FLNB: variants seen among roughly 807,000 people sequenced by gnomAD.
FLNB encodes the protein filamin-B.
In FLNB, 111 loss-of-function variants were observed where a neutral mutation model predicts 250.6. That is an observed-to-expected ratio of 0.44 (90% CI 0.38 to 0.52). The LOEUF is 0.52. FLNB is among the 20% of genes least tolerant of loss of function. FLNB has a pLI of 0.00. For synonymous variants in FLNB, 1,302 were observed against 1,372.1 expected (o/e 0.95, Z 1.13); for missense variants, 2,869 against 3,447.8 (o/e 0.83, Z 4.20).
intron 1 of FLNB, among the ~76,000 whole-genome samples, chr3:58,076,596 A>C (rs376871252): frequency 1.5e-4 from 22 of 151,180 alleles, no homozygotes; most frequent in African/African-American, 5.1e-4. Flanking sequence ...CTGGGACTAC[A>C]GGAGTGAGCC....
chr3:58,137,466 C>T (rs2097318287), intron 28 of FLNB, among the ~76,000 whole-genome samples: 1 of 152,266 alleles, frequency 6.6e-6, no homozygotes. Context: ...TTGGCCACAC[C>T]TCTGGGTCTG....
At position 58,094,817 on chromosome 3, in the gene FLNB, CTG is replaced by C. The variant is rs2097235286; in HGVS notation, c.788-15_788-14del. 1 of 1,602,784 alleles carries C rather than the reference CTG, an allele frequency of 6.2e-7. No homozygotes were observed. Among genetic ancestry groups the C allele is most frequent in the Non-Finnish European group, 8.5e-7 (1 of 1,169,818 alleles). On this transcript the variant is annotated splice_polypyrimidine_tract_variant and intron_variant, in intron 4 of 45. Coordinates refer to ENST00000295956, the MANE Select transcript of FLNB (RefSeq NM_001457.4). ...CACCCTCGCCTGGCTTCTAACATGT[CTG>C]TGTAAACCTGTGGCAGGAATCGAGC...
chr3:58,138,976 C>T (rs2097321607), intron 29 of FLNB, among the ~76,000 whole-genome samples: 1 of 152,182 alleles, frequency 6.6e-6, no homozygotes, highest in African/African-American at 2.4e-5. Flanking sequence ...AATCCCAGGA[C>T]TCAAAGTACC....
At chr3:58,080,784 G>C (rs534206723) in intron 3 of FLNB, among the ~76,000 whole-genome samples, 2 of 141,086 alleles carry the variant, frequency 1.4e-5, no homozygotes, top group African/African-American at 5.6e-5. Context: ...GAGCTACTGC[G>C]TCTGGCCTTT....
chr3:58,085,915 T>A (rs2097216605), intron 4 of FLNB, among the ~76,000 whole-genome samples: 1 of 152,112 alleles, frequency 6.6e-6, no homozygotes, highest in Non-Finnish European at 1.5e-5. Flanking sequence ...AGCTGCAGAG[T>A]ACGTTGTTTC....
chr3:58,092,803 A>G (rs551453232), intron 4 of FLNB, among the ~76,000 whole-genome samples: 1 of 152,294 alleles, frequency 6.6e-6, no homozygotes, highest in African/African-American at 2.4e-5. Flanking sequence ...AAGAAAAAAA[A>G]CTTTTCTCAT....
Position 58,163,225 on chromosome 3 carries a change from C to T in FLNB, c.7093C>T (p.His2365Tyr), listed in dbSNP as rs2097364569. 1 of 1,614,100 alleles carries T rather than the reference C, an allele frequency of 6.2e-7. No homozygotes were observed. The highest frequency in any genetic ancestry group is 1.7e-5 in the Admixed American group (1 of 60,012). ...HTIDVKFNGS[H>Y]VVGSPFKVRV... ...CATCGATGTCAAGTTCAATGGGAGC[C>T]ACGTGGTTGGAAGCCCCTTCAAAGT... The change falls in exon 43 of 46, where the codon CAC becomes TAC. Residue 2365 changes from histidine (H) to tyrosine (Y), a missense_variant. This residue lies in a region of FLNB where 1,084 missense variants were observed against 1,315.5 expected (regional missense o/e 0.82). Transcript: ENST00000295956.
At chr3:58,082,547 G>C (rs2097210701) in intron 4 of FLNB, among the ~76,000 whole-genome samples, 1 of 152,160 alleles carries the variant, frequency 6.6e-6, no homozygotes, top group Non-Finnish European at 1.5e-5. Context: ...GAGGCGGGCA[G>C]ATCACCTGAG....
intron 1 of FLNB, among the ~76,000 whole-genome samples, chr3:58,049,635 G>A (rs1198613419): frequency 6.6e-6 from 1 of 152,224 alleles, no homozygotes; most frequent in African/African-American, 2.4e-5. Context: ...CCTCTTGCCT[G>A]TGTGCAGCCC....
intron 1 of FLNB, among the ~76,000 whole-genome samples, chr3:58,066,217 C>CTTTTTTTT (rs754973485): frequency 1.4e-5 from 2 of 138,266 alleles, no homozygotes; most frequent in Admixed American, 7.2e-5. Flanking sequence ...TTCTTTTTTT[C>CTTTTTTTT]TTTTTTTTTT....
chr3:58,008,939 C>T lies in FLNB; in HGVS notation c.292+83C>T, dbSNP rs1444543456. On this transcript the variant is annotated intron_variant, in intron 1 of 45. Coordinates refer to ENST00000295956, the MANE Select transcript of FLNB (RefSeq NM_001457.4). ...GCACCCCTGCGGAGGGCGAGGATTT[C>T]CCGCAGCGCGCCCCCACCTCGGAGA... 3.3e-6 allele frequency: 5 copies of T among 1,533,802 alleles called. No individual in the cohort carries two copies. In the South Asian group the frequency reaches 4.5e-5, roughly 14 times the overall value.
chr3:58,098,377 C>T (rs2097242775), intron 7 of FLNB, among the ~76,000 whole-genome samples: 1 of 152,216 alleles, frequency 6.6e-6, no homozygotes, highest in South Asian at 2.1e-4. Context: ...ATTGCCCAGA[C>T]TGGAGTGCAG....
At chr3:58,135,716 C>T (rs2097314769) in intron 27 of FLNB, among the ~76,000 whole-genome samples, 1 of 152,194 alleles carries the variant, frequency 6.6e-6, no homozygotes, top group Non-Finnish European at 1.5e-5. Flanking sequence ...CCCCTCCCTA[C>T]ATTTCAGAGG....
intron 1 of FLNB, among the ~76,000 whole-genome samples, chr3:58,073,142 A>G (rs1449998057): frequency 2.0e-5 from 2 of 99,028 alleles, no homozygotes; most frequent in African/African-American, 4.3e-5. Context: ...CCCTGACAGT[A>G]TACCCACTAT....
intron 41 of FLNB, among the ~76,000 whole-genome samples, chr3:58,157,292 T>C (rs559919444): frequency 3.2e-4 from 48 of 152,334 alleles, no homozygotes; most frequent in Non-Finnish European, 6.3e-4. Context: ...AGTTTCTAAA[T>C]AGCCTTGAGC....
At chr3:58,109,368 T>C in intron 14 of FLNB, 46 bp downstream of exon 14, 3 of 1,596,572 alleles carry the variant, frequency 1.9e-6, no homozygotes, top group Non-Finnish European at 2.6e-6. Flanking sequence ...AAATGCCTGG[T>C]CATACACCAG....
Position 58,105,097 on chromosome 3 carries a change from T to G in FLNB, c.1628T>G (p.Val543Gly). The change falls in exon 11 of 46, where the codon GTT (valine) becomes GGT (glycine). Residue 543 changes from valine to glycine, a missense_variant. Val to Gly is a moderately radical substitution (Grantham distance 109). Around this residue, in one of 5 missense-constraint regions of FLNB, gnomAD observed 1,348 missense variants for 1,466.7 expected, o/e 0.92. Coordinates refer to ENST00000295956, the MANE Select transcript of FLNB (RefSeq NM_001457.4). ...HIPKSPFEVQVGPEAGMQKVR... is the reference protein window; with the variant it reads ...HIPKSPFEVQGGPEAGMQKVR... ...CCCTGTAGCCCCTTTGAAGTTCAAG[T>G]TGGCCCTGAAGCGGGTATGCAGAAA... is the stretch of plus-strand genomic sequence containing the variant. 1.2e-6 allele frequency: 2 copies of G among 1,614,262 alleles called. No homozygotes were observed. Among genetic ancestry groups the G allele is most frequent in the Non-Finnish European group, 1.7e-6 (2 of 1,180,042 alleles).
chr3:58,017,915 C>G (rs971133002), intron 1 of FLNB, among the ~76,000 whole-genome samples: 1 of 152,196 alleles, frequency 6.6e-6, no homozygotes, highest in Non-Finnish European at 1.5e-5. Context: ...CTGACTCTCT[C>G]CCTTTCCCCA....
chr3:58,073,242 G>A (rs974819056), intron 1 of FLNB, among the ~76,000 whole-genome samples: 3 of 151,990 alleles, frequency 2.0e-5, no homozygotes, highest in Admixed American at 2.0e-4. Context: ...GAATTGGCAT[G>A]GAAACTTGTT....
Sources: gnomAD v4.1 joint callset for allele counts (sites outside exome capture counted in the v4.1 genomes callset) on GRCh38, gnomAD v4.1.1 for gene constraint, gnomAD v4.1.1 regional missense constraint, MANE v1.5 for transcripts, NCBI Gene and HGNC (gene_info 2026-07-23, HGNC 2026-07-21) for gene names.